RAX: variants seen among roughly 807,000 people sequenced by gnomAD.
RAX encodes the protein retinal homeobox protein Rx.
In RAX, 11 loss-of-function variants were observed where a neutral mutation model predicts 17.4. That is an observed-to-expected ratio of 0.63 (90% confidence interval 0.40 to 1.05). The LOEUF is 1.05. RAX is among the 50% of genes least tolerant of loss of function. The probability of loss-of-function intolerance (pLI) is 0.00; values close to 1 mark genes in which losing one functional copy is unlikely to be tolerated. For synonymous variants in RAX, 276 were observed against 254.7 expected (o/e 1.08, Z -0.80); for missense variants, 527 against 501.1 (o/e 1.05, Z -0.49).
Position 59,269,497 on chromosome 18 carries a change from C to G in RAX, c.548G>C (p.Trp183Ser), listed in dbSNP as rs1405564792. The change falls in exon 3 of 3, where the codon TGG becomes TCG. Residue 183 changes from tryptophan to serine, a missense_variant. Physicochemically the swap from Trp to Ser is radical, Grantham distance 177. Transcript: ENST00000334889. Reference sequence around the variant, plus strand: ...CCACTTAGCCCGTCGGTTCTGGAACCACACCTGCAGGAGAGAGCACAGGGG... The same window carrying G: ...CCACTTAGCCCGTCGGTTCTGGAACGACACCTGCAGGAGAGAGCACAGGGG... ...VNLPEVRVQV[W>S]FQNRRAKWRR... The G allele has an allele frequency of 1.3e-6, 2 of 1,596,566 alleles. No individual in the cohort carries two copies. Among genetic ancestry groups the G allele is most frequent in the Non-Finnish European group, 1.7e-6 (2 of 1,179,128 alleles).
chr18:59,269,435 G>T lies in RAX; in HGVS notation c.610C>A (p.Leu204Met), dbSNP rs200647674. Residue 204 changes from leucine to methionine, a missense_variant, in exon 3 of 3, where the codon CTG becomes ATG. Leu to Met is a conservative substitution (Grantham distance 15). Transcript: ENST00000334889. ...AAGGAGAGGAGGGGCGAGTCCTGCAGCTTCATGGAGGACACTTCCAGCTTC... is the reference window on the plus strand; with the variant it reads ...AAGGAGAGGAGGGGCGAGTCCTGCATCTTCATGGAGGACACTTCCAGCTTC... ...QEKLEVSSMK[L>M]QDSPLLSFSR... The T allele has an allele frequency of 1.3e-4, 202 of 1,589,050 alleles. 1 individual carries two copies. In the East Asian group the frequency reaches 4.4e-3, roughly 34 times the overall value.
In RAX at chr18:59,272,949, C is replaced by A. The variant is rs573025872; in HGVS notation, c.258G>T (p.Pro86=). 10 of 1,462,482 alleles carry A rather than the reference C, an allele frequency of 6.8e-6. No homozygotes were observed. Among genetic ancestry groups the A allele is most frequent in the African/African-American group, 5.9e-5 (4 of 68,014 alleles). The allele number at this position is 1,462,482 out of a possible 1,614,324, so 90.6% of individuals were successfully genotyped here. A position where few individuals can be genotyped will look rare whatever the true frequency, so the allele number is the denominator to read the frequency against. ...APEEGSEPSP[P]PAPAPAPEYE... ...ACTCGGGGGCGGGCGCCGGGGCTGGCGGCGGGGAGGGCTCGGAGCCTTCCT... is the reference window on the plus strand; with the variant it reads ...ACTCGGGGGCGGGCGCCGGGGCTGGAGGCGGGGAGGGCTCGGAGCCTTCCT... The change falls in exon 1 of 3, where the codon CCG becomes CCT. Residue 86 remains proline, a synonymous_variant. Coordinates refer to ENST00000334889, the MANE Select transcript of RAX (RefSeq NM_013435.3).
chr18:59,271,074 T>C (rs1403524509), intron 2 of RAX, among the ~76,000 whole-genome samples: 2 of 152,178 alleles, frequency 1.3e-5, no homozygotes, highest in African/African-American at 2.4e-5. Flanking sequence ...GATTACATCA[T>C]AGTCATGTGT....
rs1388243900 is a variant in RAX at position 59,269,192 on chromosome 18, TC to T, written c.852del (p.Asn285ThrfsTer46). On this transcript the variant is annotated frameshift_variant, in exon 3 of 3. Transcript: ENST00000334889. LOFTEE classifies it low-confidence loss of function (END_TRUNC). Reference sequence around the variant, plus strand: ...AGGCCGGGGCCCAACGGCGGGGAGTTCAGGAAGGGCGGAGGCGGCGGCGGTG... The same window carrying T: ...AGGCCGGGGCCCAACGGCGGGGAGTTAGGAAGGGCGGAGGCGGCGGCGGTG... ...YTPPPPPPPF[L>X]NSPPLGPGLQ... is the part of the protein sequence containing the mutation. 1 of 1,542,106 alleles carries T rather than the reference TC, an allele frequency of 6.5e-7. No homozygotes were observed. Among genetic ancestry groups the T allele is most frequent in the African/African-American group, 1.4e-5 (1 of 72,542 alleles).
At chr18:59,269,698 T>G (rs1483957718) in intron 2 of RAX, among the ~76,000 whole-genome samples, 197 bp from the exon 3 acceptor site, 1 of 150,574 alleles carries the variant, frequency 6.6e-6, no homozygotes, top group Non-Finnish European at 1.5e-5. Flanking sequence ...CCCCGCGTTC[T>G]CTTTTCTTTT....
In RAX at chr18:59,268,844, C is replaced by T; in HGVS notation, c.*160G>A. On this transcript the variant is annotated 3_prime_UTR_variant, in exon 3 of 3. Transcript: ENST00000334889. This position sits in a 1 kb window ranked among gnomAD's most constrained non-coding sequence, Gnocchi z 4.4. ...CCTGAAAGTCGCCCTTCTCCCCGTGCATCGGGAGCAGGCGCGTGGCCCTGA... is the reference window on the plus strand; with the variant it reads ...CCTGAAAGTCGCCCTTCTCCCCGTGTATCGGGAGCAGGCGCGTGGCCCTGA... 8.2e-7 allele frequency: 1 copy of T among 1,216,614 alleles called. No individual in the cohort carries two copies. The highest frequency in any genetic ancestry group is 2.6e-5 in the East Asian group (1 of 38,856). 75.4% of individuals were successfully genotyped at this position (1,216,614 alleles called of 1,614,324 possible).
chr18:59,272,020 T>C (rs1450989274), intron 2 of RAX, among the ~76,000 whole-genome samples: 1 of 152,222 alleles, frequency 6.6e-6, no homozygotes, highest in Non-Finnish European at 1.5e-5. Context: ...CCTCGATCAC[T>C]ACCTGCATTC....
Position 59,272,614 on chromosome 18 carries a change from G to C in RAX, c.290C>G (p.Ala97Gly). Reference sequence around the variant, plus strand: ...CTCCTTGGGGCAGTAGGGTCGAGGGGCTGGGGCGACGAGGCCCGGGAGGGT... The same window carrying C: ...CTCCTTGGGGCAGTAGGGTCGAGGGCCTGGGGCGACGAGGCCCGGGAGGGT... ...PAPAPAPEYE[A>G]PRPYCPKEPG... The change falls in exon 2 of 3, where the codon GCC becomes GGC. Residue 97 changes from alanine to glycine, a missense_variant and splice_region_variant. Ala to Gly is a moderately conservative substitution (Grantham distance 60). Coordinates refer to ENST00000334889, the MANE Select transcript of RAX (RefSeq NM_013435.3). The C allele has an allele frequency of 6.2e-7, 1 of 1,609,260 alleles. No individual in the cohort carries two copies. The highest frequency in any genetic ancestry group is 8.5e-7 in the Non-Finnish European group (1 of 1,178,996).
At chr18:59,270,257 G>A (rs1517034) in intron 2 of RAX, among the ~76,000 whole-genome samples, 46,073 of 151,962 alleles carry the variant, frequency 0.3, 7,443 homozygotes, top group African/African-American at 0.39. Context: ...TTTAATTAAT[G>A]TCTGCTTACT....
rs747463549 is a variant in RAX, at chr18:59,269,104, G to A, written c.941C>T (p.Pro314Leu). 3.7e-6 allele frequency: 6 copies of A among 1,611,258 alleles called. No homozygotes were observed. Among genetic ancestry groups the A allele is most frequent in the Admixed American group, 3.3e-5 (2 of 59,862 alleles). ...GTTGCGCGGGTCCGCCTCGTCCAGC[G>A]GGAACTTGTCCCCGAAGCCGGGCCC... is the stretch of plus-strand genomic sequence containing the variant. Reference protein sequence around the residue: ...PCGPGFGDKFPLDEADPRNSS... With the variant: ...PCGPGFGDKFLLDEADPRNSS... Residue 314 changes from proline (P) to leucine (L), a missense_variant, in exon 3 of 3, where the codon CCG becomes CTG. By Grantham distance (98) the Pro-to-Leu change is moderately conservative (BLOSUM62 -3). Coordinates refer to ENST00000334889, the MANE Select transcript of RAX (RefSeq NM_013435.3).
At position 59,268,597 on chromosome 18, in the gene RAX, A is replaced by T. The variant is rs547009205; in HGVS notation, c.*407T>A. On this transcript the variant is annotated 3_prime_UTR_variant, in exon 3 of 3. Transcript: ENST00000334889. This position sits in a 1 kb window ranked among gnomAD's most constrained non-coding sequence, Gnocchi z 4.4. ...CTTATACAAAAGTTTCTCAAACTCTATTTTTCCGCCTCCCCTGCTTCCCTG... is the reference window on the plus strand; with the variant it reads ...CTTATACAAAAGTTTCTCAAACTCTTTTTTTCCGCCTCCCCTGCTTCCCTG... The T allele has an allele frequency of 1.1e-5, 3 of 278,762 alleles. No individual in the cohort carries two copies. Among genetic ancestry groups the T allele is most frequent in the African/African-American group, 4.4e-5 (2 of 45,390 alleles). The allele number at this position is 278,762 out of a possible 1,614,324, so 17.3% of individuals were successfully genotyped here.
rs1006439241 is a variant in RAX, at chr18:59,273,453, C to A, written c.-247G>T. 21 of 538,442 alleles carry A rather than the reference C, an allele frequency of 3.9e-5. No individual in the cohort carries two copies. The highest frequency in any genetic ancestry group is 6.5e-5 in the Non-Finnish European group (20 of 309,626). 33.4% of individuals were successfully genotyped at this position (538,442 alleles called of 1,614,324 possible). A position where few individuals can be genotyped will look rare whatever the true frequency, so the allele number is the denominator to read the frequency against. On this transcript the variant is annotated 5_prime_UTR_variant, in exon 1 of 3. Coordinates refer to ENST00000334889, the MANE Select transcript of RAX (RefSeq NM_013435.3). ...CTCGGCGCTAAAGGCGGGGAGCCAA[C>A]TGGCCCTCGGCTCCTCCCCTCTCGC... is the stretch of plus-strand genomic sequence containing the variant.
rs187364226 is a variant in RAX at position 59,270,675 on chromosome 18, G to T, written c.544-1174C>A. 5.3e-3 allele frequency among the ~76,000 whole-genome samples: 800 copies of T among 152,314 alleles called. 5 individuals carry two copies. Among genetic ancestry groups the T allele is most frequent in the Middle Eastern group, 0.017 (5 of 294 alleles). On this transcript the variant is annotated intron_variant, in intron 2 of 2. Coordinates refer to ENST00000334889, the MANE Select transcript of RAX (RefSeq NM_013435.3). ...CAGTCAATAAGGGCAGGGGACCCCC[G>T]AGGAGAGCTGAAAGAACAGCAATCC... is the stretch of plus-strand genomic sequence containing the variant.
intron 2 of RAX, among the ~76,000 whole-genome samples, chr18:59,270,723 A>G (rs537054194): frequency 4.6e-5 from 7 of 152,382 alleles, no homozygotes; most frequent in African/African-American, 1.7e-4. Flanking sequence ...CCGCAGGGCA[A>G]GTGTGTGAGA....
chr18:59,270,412 G>A (rs1180063368), intron 2 of RAX, among the ~76,000 whole-genome samples: 5 of 152,110 alleles, frequency 3.3e-5, no homozygotes, highest in Non-Finnish European at 5.9e-5. Flanking sequence ...TTATCTGTAC[G>A]AAGTCCTTGC....
rs1480730660 is a variant in RAX at position 59,269,480 on chromosome 18, C to T, written c.565G>A (p.Ala189Thr). 1.3e-6 allele frequency: 2 copies of T among 1,596,558 alleles called. No individual in the cohort carries two copies. Among genetic ancestry groups the T allele is most frequent in the Non-Finnish European group, 1.7e-6 (2 of 1,179,196 alleles). ...RVQVWFQNRR[A>T]KWRRQEKLEV... ...AGCTTCTCCTGCCGCCGCCACTTAGCCCGTCGGTTCTGGAACCACACCTGC... is the reference window on the plus strand; with the variant it reads ...AGCTTCTCCTGCCGCCGCCACTTAGTCCGTCGGTTCTGGAACCACACCTGC... The change falls in exon 3 of 3, where the codon GCT (alanine) becomes ACT (threonine). Residue 189 changes from alanine (A) to threonine (T), a missense_variant. By Grantham distance (58) the Ala-to-Thr change is moderately conservative. Transcript: ENST00000334889.
rs1251223606 is a variant in RAX, at chr18:59,272,934, G to C, written c.273C>G (p.Pro91=). 1 of 1,464,356 alleles carries C rather than the reference G, an allele frequency of 6.8e-7. No individual in the cohort carries two copies. The highest frequency in any genetic ancestry group is 1.5e-5 in the African/African-American group (1 of 67,984). The allele number at this position is 1,464,356 out of a possible 1,614,324, so 90.7% of individuals were successfully genotyped here. A position where few individuals can be genotyped will look rare whatever the true frequency, so the allele number is the denominator to read the frequency against. ...SEPSPPPAPA[P]APEYEAPRPY... ...CGCACTCACCTTCGTACTCGGGGGC[G>C]GGCGCCGGGGCTGGCGGCGGGGAGG... Residue 91 remains proline, a synonymous_variant, in exon 1 of 3, where the codon CCC becomes CCG. Transcript: ENST00000334889.
Position 59,270,092 on chromosome 18 carries a change from A to G in RAX, c.544-591T>C, listed in dbSNP as rs76086424. Among the ~76,000 whole-genome samples the G allele has an allele frequency of 4.7e-3, 723 of 152,314 alleles. 6 individuals are homozygous for G. Among genetic ancestry groups the G allele is most frequent in the African/African-American group, 0.016 (674 of 41,562 alleles). ...CTACCCTTTGTCTCTAAATACAGGT[A>G]TAAATAAATATTGTTAAGTAGAGTA... On this transcript the variant is annotated intron_variant, in intron 2 of 2. Coordinates refer to ENST00000334889, the MANE Select transcript of RAX (RefSeq NM_013435.3).
rs527976702 is a variant in RAX, at chr18:59,269,050, G to T, written c.995C>A (p.Ala332Asp). The T allele has an allele frequency of 1.9e-6, 3 of 1,612,984 alleles. No homozygotes were observed. Among genetic ancestry groups the T allele is most frequent in the East Asian group, 4.5e-5 (2 of 44,870 alleles). Reference protein sequence around the residue: ...NSSIAALRLKAKEHIQAIGKP... With the variant: ...NSSIAALRLKDKEHIQAIGKP... ...CCCGATGGCCTGGATGTGCTCCTTG[G>T]CTTTCAGACGCAGCGCCGCGATGCT... The change falls in exon 3 of 3, where the codon GCC becomes GAC. Residue 332 changes from alanine (A) to aspartate (D), a missense_variant. Coordinates refer to ENST00000334889, the MANE Select transcript of RAX (RefSeq NM_013435.3).
Sources: gnomAD v4.1 joint callset for allele counts (sites outside exome capture counted in the v4.1 genomes callset) on GRCh38, gnomAD v4.1.1 for gene constraint, Gnocchi (gnomAD v3.1) non-coding constraint, MANE v1.5 for transcripts, NCBI Gene and HGNC (gene_info 2026-07-23, HGNC 2026-07-21) for gene names.